Variants in AHCTF1 observed in about 807,000 individuals in gnomAD.
AHCTF1 encodes protein ELYS.
AHCTF1 carries 24 observed loss-of-function variants against 248.4 expected under a neutral mutation model. That is an observed-to-expected ratio of 0.10 (90% confidence interval 0.07 to 0.14). The LOEUF is 0.14. Among genes scored for constraint, AHCTF1 ranks in the 10% least tolerant of loss-of-function variants. The pLI is 1.00. For missense variants in AHCTF1, 2,206 were observed against 2,636.2 expected, an observed-to-expected ratio of 0.84 and a Z score of 3.57; for synonymous variants, 786 against 929.8, an observed-to-expected ratio of 0.85 and a Z score of 2.81.
At chr1:246,930,712 CAA>C (rs953541214) in intron 1 of AHCTF1, among the ~76,000 whole-genome samples, 10 of 152,216 alleles carry the variant, frequency 6.6e-5, no homozygotes, top group African/African-American at 2.4e-4. Context: ...TGCGCCCAGC[CAA>C]AGACAGTTCT....
chr1:246,930,999 T>G, intron 1 of AHCTF1: 1 of 1,302,058 alleles, frequency 7.7e-7, no homozygotes, highest in Admixed American at 3.0e-5. Flanking sequence ...GTTTCCCAGG[T>G]AGGAAAAAGG....
intron 31 of AHCTF1, among the ~76,000 whole-genome samples, chr1:246,854,230 C>T (rs970197435): frequency 1.5e-5 from 2 of 133,194 alleles, no homozygotes; most frequent in African/African-American, 2.8e-5. Context: ...GCCTGGGAGG[C>T]GGAGCTTGCA....
chr1:246,868,981 ACTACAGGC>A (rs1662295883), intron 24 of AHCTF1, among the ~76,000 whole-genome samples: 1 of 142,430 alleles, frequency 7.0e-6, no homozygotes, highest in Non-Finnish European at 1.5e-5. Flanking sequence ...AGTAGCTGGG[ACTACAGGC>A]GCCCGCCACC....
chr1:246,869,984 G>A (rs1380601946), intron 24 of AHCTF1, among the ~76,000 whole-genome samples: 3 of 152,206 alleles, frequency 2.0e-5, no homozygotes, highest in Non-Finnish European at 4.4e-5. Context: ...CATTCTAGAT[G>A]CCATTCAGCA....
chr1:246,882,235 G>A (rs1663496538), intron 21 of AHCTF1, among the ~76,000 whole-genome samples: 2 of 136,378 alleles, frequency 1.5e-5, no homozygotes, highest in African/African-American at 5.5e-5. Context: ...CTGACCTCGT[G>A]ATCCACCCGC....
chr1:246,915,738 G>C (rs1365764686), intron 3 of AHCTF1, among the ~76,000 whole-genome samples: 1 of 152,024 alleles, frequency 6.6e-6, no homozygotes, highest in Admixed American at 6.6e-5. Flanking sequence ...GACTATTGTC[G>C]CAAATTTAAA....
chr1:246,855,916 G>A (rs1661082234), intron 30 of AHCTF1, 89 bp from the exon 31 acceptor site: 2 of 851,506 alleles, frequency 2.3e-6, no homozygotes, highest in Admixed American at 5.4e-5. Flanking sequence ...CTGTCATTTT[G>A]GTGATGTAAA....
At chr1:246,927,564 C>T (rs181820068) in intron 1 of AHCTF1, among the ~76,000 whole-genome samples, 2 of 152,236 alleles carry the variant, frequency 1.3e-5, no homozygotes, top group Non-Finnish European at 2.9e-5. Flanking sequence ...GAAACACCTA[C>T]GTTCAGTACT....
At chr1:246,843,363 T>A (rs1660013760) in intron 34 of AHCTF1, among the ~76,000 whole-genome samples, 1 of 152,278 alleles carries the variant, frequency 6.6e-6, no homozygotes, top group South Asian at 2.1e-4. Flanking sequence ...TGAATTATTC[T>A]TGTGTAATTT....
intron 4 of AHCTF1, among the ~76,000 whole-genome samples, chr1:246,908,795 T>C (rs1665579934): frequency 6.7e-6 from 1 of 149,328 alleles, no homozygotes; most frequent in African/African-American, 2.5e-5. Context: ...CTGGGGAGGC[T>C]GAGGCAGGAG....
At chr1:246,889,366 T>C (rs903243352) in intron 17 of AHCTF1, among the ~76,000 whole-genome samples, 7 of 152,240 alleles carry the variant, frequency 4.6e-5, no homozygotes, top group Non-Finnish European at 1.0e-4. Flanking sequence ...CTGCACTAGA[T>C]GTCCTGCACA....
intron 12 of AHCTF1, 105 bp from the exon 13 acceptor site, chr1:246,896,030 G>GT: frequency 1.2e-6 from 1 of 819,074 alleles, no homozygotes; most frequent in Non-Finnish European, 2.0e-6. Flanking sequence ...AAAAAAATCA[G>GT]TATGACCCAT....
chr1:246,863,336 C>T (rs1572381637), intron 27 of AHCTF1, among the ~76,000 whole-genome samples: 1 of 149,552 alleles, frequency 6.7e-6, no homozygotes, highest in Non-Finnish European at 1.5e-5. Context: ...GGTTTCAATC[C>T]AGAACATTAG....
At chr1:246,913,013 G>T (rs186397371) in intron 4 of AHCTF1, among the ~76,000 whole-genome samples, 9 of 151,812 alleles carry the variant, frequency 5.9e-5, no homozygotes, top group South Asian at 2.1e-4. Context: ...GAGAACATAT[G>T]AACACCTGAT....
At position 246,927,315 on chromosome 1, in the gene AHCTF1, G is replaced by A. The variant is rs149979310; in HGVS notation, c.-8+4263C>T. 8.4e-3 allele frequency among the ~76,000 whole-genome samples: 1,279 copies of A among 152,236 alleles called. 20 individuals carry two copies. Among genetic ancestry groups the A allele is most frequent in the African/African-American group, 0.03 (1,232 of 41,546 alleles). On this transcript the variant is annotated intron_variant, in intron 1 of 35. Coordinates refer to ENST00000648844, the MANE Select transcript of AHCTF1 (RefSeq NM_001323342.2). Reference sequence around the variant, plus strand: ...AGTCTGGCCAACATGGTGAAACCCCGTCTCTACTAAAAACAAGAAATGTAG... The same window carrying A: ...AGTCTGGCCAACATGGTGAAACCCCATCTCTACTAAAAACAAGAAATGTAG...
rs1009866661 is a variant in AHCTF1 at position 246,860,682 on chromosome 1, A to G, written c.4132+217T>C. On this transcript the variant is annotated intron_variant, in intron 29 of 35. Transcript: ENST00000648844. ...ATGCCTGGCTAATTTTTAAATTTCT[A>G]TTTTGTAAAGACAGGGCCTCGCTAT... Among the ~76,000 whole-genome samples, 7 of 152,174 alleles carry G rather than the reference A, an allele frequency of 4.6e-5. No homozygotes were observed. In the East Asian group the frequency reaches 1.4e-3, roughly 29 times the overall value.
rs913026893 is a variant in AHCTF1 at position 246,916,294 on chromosome 1, C to G, written c.223G>C (p.Glu75Gln). The G allele has an allele frequency of 2.5e-6, 4 of 1,608,846 alleles. No individual in the cohort carries two copies. The African/African-American group carries it at 5.4e-5, about 22-fold the overall frequency. ...LSAYRFSGVN[E>Q]QPPVVLAVKE... Reference sequence around the variant, plus strand: ...ACAGCTAAAACTACAGGAGGCTGTTCATTGACTCCACTGAATCTGTAAGCA... The same window carrying G: ...ACAGCTAAAACTACAGGAGGCTGTTGATTGACTCCACTGAATCTGTAAGCA... Residue 75 changes from glutamate to glutamine, a missense_variant, in exon 3 of 36, where the codon GAA becomes CAA. Physicochemically the swap from Glu to Gln is conservative, Grantham distance 29. Coordinates refer to ENST00000648844, the MANE Select transcript of AHCTF1 (RefSeq NM_001323342.2).
intron 4 of AHCTF1, among the ~76,000 whole-genome samples, chr1:246,911,482 T>G (rs970508618): frequency 2.8e-5 from 4 of 144,572 alleles, no homozygotes; most frequent in Non-Finnish European, 4.6e-5. Flanking sequence ...GAAGATTCTT[T>G]TTTTTTTTTT....
At chr1:246,843,508 T>C (rs1310861740) in intron 34 of AHCTF1, among the ~76,000 whole-genome samples, 1 of 152,172 alleles carries the variant, frequency 6.6e-6, no homozygotes, top group East Asian at 1.9e-4. Context: ...TGATGGACAC[T>C]AGAATTTAAA....
Sources: gnomAD v4.1 joint callset for allele counts (sites outside exome capture counted in the v4.1 genomes callset) on GRCh38, gnomAD v4.1.1 for gene constraint, MANE v1.5 for transcripts, NCBI Gene and HGNC (gene_info 2026-07-23, HGNC 2026-07-21) for gene names.